The following MMS19 variants were observed in gnomAD, a reference collection of about 807,000 sequenced individuals.
The protein encoded by MMS19 is MMS19 cytosolic iron-sulfur assembly component, also known as MMS19 nucleotide excision repair protein homolog.
Under a neutral mutation model 129.8 loss-of-function variants are expected in MMS19, and 77 were observed. The observed-to-expected ratio is 0.59, with a 90% CI of 0.49 to 0.72. MMS19 has a LOEUF of 0.72. MMS19 is among the 30% of genes least tolerant of loss of function. MMS19 has a pLI of 0.00. For synonymous variants in MMS19, 491 were observed against 502.8 expected (o/e 0.98, Z 0.31); for missense variants, 1,168 against 1,266.3 (o/e 0.92, Z 1.18).
At chr10:97,484,342 T>C (rs1051575549) in intron 1 of MMS19, among the ~76,000 whole-genome samples, 191 bp from the exon 2 acceptor site, 5 of 151,946 alleles carry the variant, frequency 3.3e-5, no homozygotes, top group Admixed American at 2.0e-4. Flanking sequence ...TGTATAAAAA[T>C]TGAAAAGAAA....
At chr10:97,479,755 AC>A (rs1356729845) in intron 3 of MMS19, among the ~76,000 whole-genome samples, 4 of 152,174 alleles carry the variant, frequency 2.6e-5, no homozygotes, top group African/African-American at 9.7e-5. Flanking sequence ...TAATGTAAAA[AC>A]ATCTACATAT....
chr10:97,490,634 G>A (rs1380908173), intron 1 of MMS19, among the ~76,000 whole-genome samples: 1 of 152,196 alleles, frequency 6.6e-6, no homozygotes, highest in African/African-American at 2.4e-5. Flanking sequence ...TGGAAAAAGT[G>A]AAAGAGAGGT....
chr10:97,493,230 C>T (rs966666836), intron 1 of MMS19, among the ~76,000 whole-genome samples: 14 of 152,104 alleles, frequency 9.2e-5, no homozygotes, highest in Admixed American at 7.9e-4. Context: ...AGGCTGGTTT[C>T]GAATTCTTGG....
In MMS19 at chr10:97,469,710, G is replaced by A; in HGVS notation, c.860C>T (p.Ala287Val). The A allele has an allele frequency of 5.0e-6, 8 of 1,613,830 alleles. No homozygotes were observed. Among genetic ancestry groups the A allele is most frequent in the Non-Finnish European group, 5.9e-6 (7 of 1,179,806 alleles). The change falls in exon 11 of 31, where the codon GCT (alanine) becomes GTT (valine). Residue 287 changes from alanine to valine, a missense_variant. Physicochemically the swap from Ala to Val is moderately conservative, Grantham distance 64. This residue lies in a region of MMS19 where 831 missense variants were observed against 910.8 expected (regional missense o/e 0.91). Coordinates refer to ENST00000438925, the MANE Select transcript of MMS19 (RefSeq NM_022362.5). ...CTTCAGTTCCTTCTGTCCATACACA[G>A]CACAGCAAGCATTCTGCCAAGGAAA... ...DSLQTLNACCAVYGQKELKDF... is the reference protein window; with the variant it reads ...DSLQTLNACCVVYGQKELKDF...
intron 2 of MMS19, among the ~76,000 whole-genome samples, chr10:97,482,731 TATATATAC>T (rs1268850745): frequency 2.1e-5 from 2 of 95,044 alleles, no homozygotes; most frequent in South Asian, 4.3e-4. Flanking sequence ...TGTGTGTGTA[TATATATAC>T]ACACACACAC....
intron 2 of MMS19, among the ~76,000 whole-genome samples, chr10:97,481,429 G>T (rs1373436186): frequency 6.6e-6 from 1 of 152,144 alleles, no homozygotes; most frequent in Non-Finnish European, 1.5e-5. Flanking sequence ...GAGATGATTG[G>T]CAGCTGCAGC....
At chr10:97,478,978 C>T (rs2036259248) in intron 3 of MMS19, among the ~76,000 whole-genome samples, 1 of 152,080 alleles carries the variant, frequency 6.6e-6, no homozygotes, top group Admixed American at 6.6e-5. Context: ...TATAGGGAGG[C>T]TGAGGTGGGA....
intron 1 of MMS19, among the ~76,000 whole-genome samples, chr10:97,495,018 A>G (rs2039532317): frequency 6.6e-6 from 1 of 152,240 alleles, no homozygotes; most frequent in Non-Finnish European, 1.5e-5. Flanking sequence ...TTGAGAAATA[A>G]GTGCGTACTA....
chr10:97,468,868 T>C lies in MMS19; in HGVS notation c.1063+98A>G, dbSNP rs1589630087. ...AGGTGATCCACCCGCCTCGGCCTCCTAAAGTGCAGGGATTACAGGCGTGAG... is the reference window on the plus strand; with the variant it reads ...AGGTGATCCACCCGCCTCGGCCTCCCAAAGTGCAGGGATTACAGGCGTGAG... On this transcript the variant is annotated intron_variant, in intron 12 of 30. Transcript: ENST00000438925. 8.2e-6 allele frequency: 11 copies of C among 1,344,142 alleles called. No individual in the cohort carries two copies. The Middle Eastern group carries it at 6.2e-4, about 76-fold the overall frequency. The allele number at this position is 1,344,142 out of a possible 1,614,324, so 83.3% of individuals were successfully genotyped here.
chr10:97,473,192 C>T (rs992012562), intron 8 of MMS19, among the ~76,000 whole-genome samples: 4 of 152,000 alleles, frequency 2.6e-5, no homozygotes, highest in South Asian at 4.1e-4. Flanking sequence ...CCTGCTACCA[C>T]GCCTAGCTAA....
At chr10:97,489,544 T>C (rs2038515261) in intron 1 of MMS19, among the ~76,000 whole-genome samples, 1 of 152,238 alleles carries the variant, frequency 6.6e-6, no homozygotes, top group African/African-American at 2.4e-5. Flanking sequence ...GTGTCAAAAC[T>C]AAGAGATTAG....
chr10:97,466,402 G>T, intron 16 of MMS19, 102 bp downstream of exon 16: 2 of 993,654 alleles, frequency 2.0e-6, no homozygotes, highest in Non-Finnish European at 3.2e-6. Flanking sequence ...CCTAAGGAGA[G>T]CCAAGGGTCA....
At chr10:97,483,931 T>C (rs900245888) in intron 2 of MMS19, among the ~76,000 whole-genome samples, 172 bp downstream of exon 2, 6 of 152,238 alleles carry the variant, frequency 3.9e-5, no homozygotes, top group African/African-American at 7.2e-5. Flanking sequence ...ATGAAACTTT[T>C]TTCAGGAGAA....
Position 97,459,463 on chromosome 10 carries a change from T to G in MMS19, c.2803A>C (p.Ser935Arg). 1.9e-6 allele frequency: 3 copies of G among 1,612,624 alleles called. No homozygotes were observed. Among genetic ancestry groups the G allele is most frequent in the Non-Finnish European group, 1.7e-6 (2 of 1,179,404 alleles). ...TCCAGTAGAAGAGGCTGAAGGCAGC[T>G]GAGGGTGGAGAGCTGCACCACACAG... ...PDCVVQLSTL[S>R]CLQPLLLEAP... The change falls in exon 28 of 31, where the codon AGC becomes CGC. Residue 935 changes from serine (S) to arginine (R), a missense_variant. Transcript: ENST00000438925.
At chr10:97,487,018 GA>G in intron 1 of MMS19, among the ~76,000 whole-genome samples, 2 of 150,226 alleles carry the variant, frequency 1.3e-5, no homozygotes, top group Non-Finnish European at 3.0e-5. Context: ...ACAAAAAAAA[GA>G]AAAATAAAAA....
At position 97,467,551 on chromosome 10, in the gene MMS19, G is replaced by A; in HGVS notation, c.1251C>T (p.Leu417=). ...TCTGCTGCAGCTTCAAGAAACCCAGGAGCATTTCAAGGATTGTCCGCCGCT... is the reference window on the plus strand; with the variant it reads ...TCTGCTGCAGCTTCAAGAAACCCAGAAGCATTTCAAGGATTGTCCGCCGCT... ...SSQRRTILEM[L]LGFLKLQQKW... Residue 417 remains leucine (L), a synonymous_variant, in exon 14 of 31, where the codon CTC becomes CTT. Transcript: ENST00000438925. The A allele has an allele frequency of 6.2e-7, 1 of 1,613,960 alleles. No individual in the cohort carries two copies.
intron 3 of MMS19, chr10:97,480,231 G>C: frequency 2.2e-6 from 1 of 464,200 alleles, no homozygotes; most frequent in Non-Finnish European, 4.4e-6. Flanking sequence ...CCAGCTTCTG[G>C]ATATATTACC....
chr10:97,480,567 G>T (rs1211560041), intron 3 of MMS19, among the ~76,000 whole-genome samples: 1 of 152,026 alleles, frequency 6.6e-6, no homozygotes, highest in Non-Finnish European at 1.5e-5. Flanking sequence ...ACAGTCTAAG[G>T]CTACATTTGA....
intron 3 of MMS19, among the ~76,000 whole-genome samples, chr10:97,480,514 C>A (rs146209235): frequency 0.011 from 1,712 of 152,246 alleles, 11 homozygotes; most frequent in Non-Finnish European, 0.015. Flanking sequence ...CTATGAAATA[C>A]TGCTCTGTTC....
Sources: allele counts gnomAD v4.1 joint callset (sites outside exome capture counted in the v4.1 genomes callset), GRCh38; gene constraint gnomAD v4.1.1; regional missense constraint gnomAD v4.1.1; transcripts MANE v1.5; gene names NCBI Gene and HGNC (gene_info 2026-07-23, HGNC 2026-07-21).